TMEM233: variants seen among roughly 807,000 people sequenced by gnomAD.
TMEM233 encodes the protein dispanin subfamily B member 2.
A neutral mutation model predicts 11.2 loss-of-function variants in TMEM233; 6 were observed. The ratio of observed to expected loss-of-function variants is 0.54; its 90% CI spans 0.29 to 1.06. The LOEUF is 1.06. Ranked by LOEUF, TMEM233 falls within the 50% of genes least tolerant of loss-of-function variation. TMEM233 has a pLI of 0.08. For missense variants in TMEM233, 127 were observed against 144.7 expected (o/e 0.88, Z 0.63); for synonymous variants, 59 against 55.8 (o/e 1.06, Z -0.26).
the TMEM233 span, among the ~76,000 whole-genome samples, chr12:119,649,874 A>AAAT: frequency 6.7e-6 from 1 of 150,206 alleles, no homozygotes; most frequent in Non-Finnish European, 1.5e-5. Context: ...AAAAAAAAAA[A>AAAT]AGGGCCGGGC....
intron 2 of TMEM233, among the ~76,000 whole-genome samples, chr12:119,632,159 T>C (rs962347704): frequency 3.3e-5 from 5 of 152,212 alleles, no homozygotes; most frequent in African/African-American, 1.2e-4. Context: ...CCTTGACATA[T>C]GCCAGGTACT....
intron 1 of TMEM233, among the ~76,000 whole-genome samples, chr12:119,605,409 CTTTTT>C (rs6144897): frequency 1.2e-4 from 11 of 93,642 alleles, no homozygotes; most frequent in African/African-American, 4.1e-4. Context: ...TATGCCTTTC[CTTTTT>C]TTTTTTTTTT....
rs1044534421 is a variant in TMEM233 at position 119,602,875 on chromosome 12, C to G, written c.186+8841C>G. 3.9e-5 allele frequency among the ~76,000 whole-genome samples: 6 copies of G among 152,248 alleles called. No homozygotes were observed. In the South Asian group the frequency reaches 1.2e-3, roughly 32 times the overall value. Reference sequence around the variant, plus strand: ...AACAAGATTGGCCACTAATGCATGACAGTGGAAGCTGGGTTATGGGAACAT... The same window carrying G: ...AACAAGATTGGCCACTAATGCATGAGAGTGGAAGCTGGGTTATGGGAACAT... On this transcript the variant is annotated intron_variant, in intron 1 of 2. Coordinates refer to ENST00000426426, the MANE Select transcript of TMEM233 (RefSeq NM_001136534.3).
intron 1 of TMEM233, among the ~76,000 whole-genome samples, chr12:119,617,551 C>T (rs1019111203): frequency 6.6e-5 from 10 of 152,092 alleles, no homozygotes; most frequent in African/African-American, 1.7e-4. Context: ...AAGAAAACCC[C>T]AGCCGGGCAC....
At chr12:119,632,842 C>A (rs1954911910) in intron 2 of TMEM233, among the ~76,000 whole-genome samples, 1 of 152,196 alleles carries the variant, frequency 6.6e-6, no homozygotes, top group South Asian at 2.1e-4. Flanking sequence ...ACAATATTTG[C>A]AGCCTAGACA....
intron 1 of TMEM233, among the ~76,000 whole-genome samples, chr12:119,625,367 C>CTTCTTT (rs71072545): frequency 4.3e-4 from 63 of 145,380 alleles, no homozygotes; most frequent in South Asian, 4.3e-4. Context: ...ATAACTTCTT[C>CTTCTTT]TTTTTTTTTT....
chr12:119,625,367 C>CTTCTTTTT (rs71072545), intron 1 of TMEM233, among the ~76,000 whole-genome samples: 20 of 145,584 alleles, frequency 1.4e-4, no homozygotes, highest in Non-Finnish European at 1.5e-4. Flanking sequence ...ATAACTTCTT[C>CTTCTTTTT]TTTTTTTTTT....
At chr12:119,633,637 C>T (rs1223353282) in intron 2 of TMEM233, among the ~76,000 whole-genome samples, 1 of 151,992 alleles carries the variant, frequency 6.6e-6, no homozygotes, top group Admixed American at 6.6e-5. Context: ...AAGGCTTTGT[C>T]ATATGCATGT....
chr12:119,644,089 A>G (rs908817893), downstream of TMEM233, among the ~76,000 whole-genome samples: 1 of 152,216 alleles, frequency 6.6e-6, no homozygotes, highest in East Asian at 1.9e-4. Context: ...GTTCAATTCA[A>G]TATAATGAAC....
At chr12:119,626,938 C>T (rs1042241943) in intron 1 of TMEM233, among the ~76,000 whole-genome samples, 1 of 152,226 alleles carries the variant, frequency 6.6e-6, no homozygotes, top group Non-Finnish European at 1.5e-5. Context: ...AAATATTTAA[C>T]AAGTTTGGCA....
intron 1 of TMEM233, among the ~76,000 whole-genome samples, chr12:119,608,038 G>A (rs1954318888): frequency 6.6e-6 from 1 of 152,198 alleles, no homozygotes; most frequent in Non-Finnish European, 1.5e-5. Context: ...ATTGAGGACA[G>A]AGAAACTACA....
At chr12:119,605,992 G>C (rs1261535394) in intron 1 of TMEM233, among the ~76,000 whole-genome samples, 1 of 152,144 alleles carries the variant, frequency 6.6e-6, no homozygotes, top group Non-Finnish European at 1.5e-5. Flanking sequence ...AAGAGGAAAT[G>C]CACCTTGTAG....
intron 2 of TMEM233, among the ~76,000 whole-genome samples, chr12:119,635,390 A>G (rs1954951787): frequency 6.6e-6 from 1 of 152,224 alleles, no homozygotes; most frequent in Non-Finnish European, 1.5e-5. Context: ...TTGCAGAACT[A>G]CTATCCTAGG....
intron 2 of TMEM233, among the ~76,000 whole-genome samples, chr12:119,640,311 C>G (rs535678043): frequency 4.6e-5 from 7 of 152,230 alleles, no homozygotes; most frequent in East Asian, 3.9e-4. Flanking sequence ...CCCGCCACCA[C>G]GCCCGGCTAA....
In TMEM233 at chr12:119,629,952, G is replaced by T. The variant is rs184260236; in HGVS notation, c.323+80G>T. 729 of 1,432,554 alleles carry T rather than the reference G, an allele frequency of 5.1e-4. 2 individuals carry two copies. The highest frequency in any genetic ancestry group is 6.0e-4 in the Non-Finnish European group (645 of 1,076,884). 88.7% of individuals were successfully genotyped at this position (1,432,554 alleles called of 1,614,324 possible). A position where few individuals can be genotyped will look rare whatever the true frequency, so the allele number is the denominator to read the frequency against. ...GTTGGAATCTGTTAGGGTAGATTAG[G>T]TTATGCTCCAGTAACAACCCCAAGC... On this transcript the variant is annotated intron_variant, in intron 2 of 2. Coordinates refer to ENST00000426426, the MANE Select transcript of TMEM233 (RefSeq NM_001136534.3).
intron 2 of TMEM233, among the ~76,000 whole-genome samples, chr12:119,634,552 G>A (rs1030893416): frequency 8.5e-5 from 13 of 152,080 alleles, no homozygotes; most frequent in African/African-American, 3.1e-4. Context: ...GATTGAGGCT[G>A]CAGTGAGCTG....
chr12:119,615,878 G>T (rs1954521103), intron 1 of TMEM233, among the ~76,000 whole-genome samples: 1 of 152,092 alleles, frequency 6.6e-6, no homozygotes, highest in Admixed American at 6.5e-5. Flanking sequence ...TTTCTTTGAG[G>T]TGTGGATGCC....
At chr12:119,615,391 A>G (rs1487786676) in intron 1 of TMEM233, among the ~76,000 whole-genome samples, 2 of 152,130 alleles carry the variant, frequency 1.3e-5, no homozygotes, top group African/African-American at 2.4e-5. Flanking sequence ...ATGGCTGTCT[A>G]TCTAGGACAG....
In TMEM233 at chr12:119,593,844, C is replaced by T. The variant is rs1200947749; in HGVS notation, c.-5C>T. ...TCCGCCCTCCCGGCGCCGCCGGCCT[C>T]GCCCATGTCTCAGTACGCCCCTAGC... On this transcript the variant is annotated 5_prime_UTR_variant, in exon 1 of 3. Coordinates refer to ENST00000426426, the MANE Select transcript of TMEM233 (RefSeq NM_001136534.3). This position sits in a 1 kb window ranked among gnomAD's most constrained non-coding sequence, Gnocchi z 4.1. 2 of 1,550,666 alleles carry T rather than the reference C, an allele frequency of 1.3e-6. No individual in the cohort carries two copies. The highest frequency in any genetic ancestry group is 8.7e-7 in the Non-Finnish European group (1 of 1,146,306).
Sources: gnomAD v4.1 joint callset for allele counts (sites outside exome capture counted in the v4.1 genomes callset) on GRCh38, gnomAD v4.1.1 for gene constraint, Gnocchi (gnomAD v3.1) non-coding constraint, MANE v1.5 for transcripts, NCBI Gene and HGNC (gene_info 2026-07-23, HGNC 2026-07-21) for gene names.